PPARGC1A: variants seen among roughly 807,000 people sequenced by gnomAD.
PPARGC1A encodes peroxisome proliferator-activated receptor gamma coactivator 1-alpha.
Under a neutral mutation model 88.7 loss-of-function variants are expected in PPARGC1A, and 25 were observed. The ratio of observed to expected loss-of-function variants is 0.28; its 90% confidence interval spans 0.21 to 0.39. The LOEUF is 0.39. PPARGC1A is among the 10% of genes least tolerant of loss of function. PPARGC1A has a pLI of 1.00. For missense variants in PPARGC1A, 880 were observed against 968.7 expected (o/e 0.91, Z 1.22); for synonymous variants, 363 against 355.6 (o/e 1.02, Z -0.24).
the PPARGC1A span, among the ~76,000 whole-genome samples, chr4:24,372,822 T>C: frequency 2.0e-5 from 3 of 152,204 alleles, no homozygotes; most frequent in Non-Finnish European, 4.4e-5. Flanking sequence ...GAAGAGTGAA[T>C]GTATACAAAG....
At chr4:24,229,755 G>T in the PPARGC1A span, among the ~76,000 whole-genome samples, 4 of 150,044 alleles carry the variant, frequency 2.7e-5, no homozygotes. Flanking sequence ...TGAGACAGGA[G>T]AATCACTTGA....
chr4:24,250,141 G>C, the PPARGC1A span, among the ~76,000 whole-genome samples: 3 of 152,264 alleles, frequency 2.0e-5, no homozygotes, highest in South Asian at 6.2e-4. Context: ...GTGTAACATG[G>C]GCAGAACACT....
chr4:23,923,545 A>G, the PPARGC1A span, among the ~76,000 whole-genome samples: 3 of 152,208 alleles, frequency 2.0e-5, no homozygotes, highest in African/African-American at 7.2e-5. Flanking sequence ...GAAACTACTC[A>G]GTCAACAAAA....
At chr4:23,947,378 T>C in the PPARGC1A span, among the ~76,000 whole-genome samples, 1 of 24,124 alleles carries the variant, frequency 4.1e-5, no homozygotes, top group Non-Finnish European at 1.2e-4. Flanking sequence ...TATATATATA[T>C]ATATATATAT....
the PPARGC1A span, among the ~76,000 whole-genome samples, chr4:24,276,198 A>C: frequency 2.6e-5 from 4 of 152,200 alleles, no homozygotes; most frequent in Admixed American, 6.5e-5. Context: ...TCCCTCCAGT[A>C]AACAAGGAAA....
the PPARGC1A span, among the ~76,000 whole-genome samples, chr4:23,987,919 C>T: frequency 6.6e-6 from 1 of 152,034 alleles, no homozygotes; most frequent in Non-Finnish European, 1.5e-5. Context: ...AGGTATTTCT[C>T]CTAATGCTAT....
intron 2 of PPARGC1A, among the ~76,000 whole-genome samples, chr4:23,872,273 C>T (rs1392889643): frequency 6.6e-6 from 1 of 152,210 alleles, no homozygotes; most frequent in Non-Finnish European, 1.5e-5. Context: ...GAACTCTCCA[C>T]TGACGGTCTT....
At chr4:24,227,039 G>A in the PPARGC1A span, among the ~76,000 whole-genome samples, 1 of 151,900 alleles carries the variant, frequency 6.6e-6, no homozygotes, top group East Asian at 1.9e-4. Context: ...CACATACTTT[G>A]CATTCAGCCA....
At chr4:24,135,728 T>C in the PPARGC1A span, among the ~76,000 whole-genome samples, 1 of 152,092 alleles carries the variant, frequency 6.6e-6, no homozygotes, top group East Asian at 1.9e-4. Flanking sequence ...CGGCTAGAAG[T>C]GGTACAAGAG....
At chr4:23,865,512 A>G (rs1560471929) in intron 2 of PPARGC1A, among the ~76,000 whole-genome samples, 3 of 152,172 alleles carry the variant, frequency 2.0e-5, no homozygotes, top group African/African-American at 7.2e-5. Flanking sequence ...TTAAGAGAGA[A>G]GACCCATGCA....
the PPARGC1A span, among the ~76,000 whole-genome samples, chr4:24,001,701 T>C: frequency 3.9e-5 from 6 of 152,156 alleles, no homozygotes; most frequent in African/African-American, 1.4e-4. Context: ...GTATTAAACA[T>C]TGATCACTGG....
chr4:24,359,738 T>A, the PPARGC1A span, among the ~76,000 whole-genome samples: 1 of 152,110 alleles, frequency 6.6e-6, no homozygotes, highest in Non-Finnish European at 1.5e-5. Flanking sequence ...GAAACAAAAA[T>A]TGGAAGGATT....
At chr4:24,001,169 G>C in the PPARGC1A span, among the ~76,000 whole-genome samples, 2 of 152,136 alleles carry the variant, frequency 1.3e-5, no homozygotes, top group Non-Finnish European at 1.5e-5. Context: ...GGAACTAATA[G>C]AGCTCAAGAT....
chr4:23,910,547 TCTC>T, the PPARGC1A span, among the ~76,000 whole-genome samples: 489 of 146,998 alleles, frequency 3.3e-3, 2 homozygotes, highest in Middle Eastern at 0.01. Flanking sequence ...TTCAAGCAAT[TCTC>T]CTGCCTCAGC....
chr4:24,174,620 T>C, the PPARGC1A span, among the ~76,000 whole-genome samples: 1 of 152,204 alleles, frequency 6.6e-6, no homozygotes, highest in Non-Finnish European at 1.5e-5. Flanking sequence ...TTGTCCCCAT[T>C]TGAAAGACAG....
rs777728890 is a variant in PPARGC1A, at chr4:23,802,349, T to C, written c.2020-4A>G. ...CATAAATCACACGGCGCTCTTCCTA[T>C]GGGGGGAAGGAAGGAGAGAGTTCTG... On this transcript the variant is annotated splice_region_variant and splice_polypyrimidine_tract_variant and intron_variant, in intron 10 of 12. Transcript: ENST00000264867. 1.2e-6 allele frequency: 2 copies of C among 1,613,686 alleles called. No homozygotes were observed. The highest frequency in any genetic ancestry group is 1.7e-6 in the Non-Finnish European group (2 of 1,179,868).
the PPARGC1A span, among the ~76,000 whole-genome samples, chr4:24,037,110 G>A: frequency 6.6e-6 from 1 of 152,168 alleles, no homozygotes; most frequent in African/African-American, 2.4e-5. Flanking sequence ...CACCTCTCTG[G>A]AAGCATCATG....
chr4:24,093,676 G>C, the PPARGC1A span, among the ~76,000 whole-genome samples: 1 of 152,182 alleles, frequency 6.6e-6, no homozygotes, highest in East Asian at 1.9e-4. Context: ...ACAACTGGGA[G>C]CAATTAGTTT....
the PPARGC1A span, among the ~76,000 whole-genome samples, chr4:24,413,410 G>A: frequency 1.3e-5 from 2 of 152,206 alleles, no homozygotes; most frequent in Non-Finnish European, 2.9e-5. Context: ...TACCAACTGA[G>A]TAGATGGAAA....
Sources: allele counts gnomAD v4.1 joint callset (sites outside exome capture counted in the v4.1 genomes callset), GRCh38; gene constraint gnomAD v4.1.1; transcripts MANE v1.5; gene names NCBI Gene and HGNC (gene_info 2026-07-23, HGNC 2026-07-21).